Variants in HRAS observed in about 807,000 individuals in gnomAD.
The protein encoded by HRAS is HRas proto-oncogene, GTPase.
A neutral mutation model predicts 19.8 loss-of-function variants in HRAS; 11 were observed. The observed-to-expected ratio is 0.55, with a 90% confidence interval of 0.35 to 0.92. The LOEUF (loss-of-function observed/expected upper bound fraction) is 0.92. Among genes scored for constraint, HRAS ranks in the 40% least tolerant of loss-of-function variants. The pLI is 0.01. For synonymous variants in HRAS, 149 were observed against 105.5 expected, an observed-to-expected ratio of 1.41 and a Z score of -2.52; for missense variants, 204 against 255.9, an observed-to-expected ratio of 0.80 and a Z score of 1.38.
chr11:534,098 G>A, intron 2 of HRAS, 114 bp downstream of exon 2: 6 of 1,168,172 alleles, frequency 5.1e-6, no homozygotes, highest in East Asian at 2.4e-5. Flanking sequence ...GGAAGCAGGA[G>A]ACAGGGCCAC....
In HRAS at chr11:533,882, G is replaced by A. The variant is rs746639086; in HGVS notation, c.174C>T (p.Thr58=). 17 of 1,613,166 alleles carry A rather than the reference G, an allele frequency of 1.1e-5. No homozygotes were observed. The highest frequency in any genetic ancestry group is 1.7e-5 in the Admixed American group (1 of 60,000). The change falls in exon 3 of 6, where the codon ACC becomes ACT. Residue 58 remains threonine, a synonymous_variant. Coordinates refer to ENST00000311189, the MANE Select transcript of HRAS (RefSeq NM_005343.4). ...GETCLLDILD[T]AGQEEYSAMR... is the part of the protein sequence containing the mutation. Reference sequence around the variant, plus strand: ...TGGCGCTGTACTCCTCCTGGCCGGCGGTATCCAGGATGTCCAACAGGCACG... The same window carrying A: ...TGGCGCTGTACTCCTCCTGGCCGGCAGTATCCAGGATGTCCAACAGGCACG...
chr11:532,836 G>A, intron 4 of HRAS, 81 bp from the exon 5 acceptor site: 2 of 1,410,140 alleles, frequency 1.4e-6, no homozygotes, highest in Non-Finnish European at 2.0e-6. Context: ...GTGGGATCAA[G>A]CCTTGCCTGG....
chr11:534,394 C>T lies in HRAS; in HGVS notation c.-53-19G>A. On this transcript the variant is annotated intron_variant, in intron 1 of 5. Coordinates refer to ENST00000311189, the MANE Select transcript of HRAS (RefSeq NM_005343.4). Reference sequence around the variant, plus strand: ...GCCCCACCTGCCAAGGAGGGCCCTGCTCAGCCAGGCCCAGGCCCAGCCCCA... The same window carrying T: ...GCCCCACCTGCCAAGGAGGGCCCTGTTCAGCCAGGCCCAGGCCCAGCCCCA... 3.1e-6 allele frequency: 4 copies of T among 1,289,540 alleles called. No individual in the cohort carries two copies. The highest frequency in any genetic ancestry group is 4.4e-6 in the Non-Finnish European group (4 of 909,196). The allele number at this position is 1,289,540 out of a possible 1,614,324, so 79.9% of individuals were successfully genotyped here.
rs780355683 is a variant in HRAS at position 532,474 on chromosome 11, C to T, written c.*54G>A. On this transcript the variant is annotated 3_prime_UTR_variant, in exon 6 of 6. Transcript: ENST00000311189. Reference sequence around the variant, plus strand: ...TTCCGTCCTTCCTTCCTCCTCCTTCCGTCTGCACCTCCTTCCTGCATCCGG... The same window carrying T: ...TTCCGTCCTTCCTTCCTCCTCCTTCTGTCTGCACCTCCTTCCTGCATCCGG... The T allele has an allele frequency of 3.1e-5, 29 of 949,862 alleles. No homozygotes were observed. Among genetic ancestry groups the T allele is most frequent in the East Asian group, 2.6e-4 (10 of 38,012 alleles). 58.8% of individuals were successfully genotyped at this position (949,862 alleles called of 1,614,324 possible).
Position 533,428 on chromosome 11 carries a change from G to A in HRAS, c.450+25C>T, listed in dbSNP as rs767565921. 5.0e-6 allele frequency: 8 copies of A among 1,611,390 alleles called. No homozygotes were observed. In the East Asian group the frequency reaches 1.8e-4, roughly 36 times the overall value. ...GCGGGGCGGGGCGGGTCCCTGGCTA[G>A]CTGTGGGGTGGAGAGCTGCCTCACC... is the stretch of plus-strand genomic sequence containing the variant. On this transcript the variant is annotated intron_variant, in intron 4 of 5. Coordinates refer to ENST00000311189, the MANE Select transcript of HRAS (RefSeq NM_005343.4).
rs1445835026 is a variant in HRAS, at chr11:532,674, C to A, written c.532G>T (p.Gly178Cys). 1.2e-6 allele frequency: 2 copies of A among 1,613,138 alleles called. No individual in the cohort carries two copies. Among genetic ancestry groups the A allele is most frequent in the Non-Finnish European group, 1.7e-6 (2 of 1,180,000 alleles). The change falls in exon 5 of 6, where the codon GGC becomes TGC. Residue 178 changes from glycine to cysteine, a missense_variant. Around this residue, in one of 4 missense-constraint regions of HRAS, gnomAD observed 142 missense variants for 141.1 expected, o/e 1.01. Coordinates refer to ENST00000311189, the MANE Select transcript of HRAS (RefSeq NM_005343.4). ...LRKLNPPDES[G>C]PGCMSCKCVL... The stretch of plus-strand genomic sequence containing the variant: ...CACTTGCAGCTCATGCAGCCGGGGC[C>A]ACTCTCATCAGGAGGGTTCAGCTTC...
chr11:532,576 CG>C, intron 5 of HRAS, 54 bp from the exon 6 acceptor site: 1 of 1,573,894 alleles, frequency 6.4e-7, no homozygotes. Flanking sequence ...CCGGCAGGGG[CG>C]GGGAGCCGGG....
chr11:534,113 C>G (rs896550504), intron 2 of HRAS, 99 bp downstream of exon 2: 8 of 1,187,280 alleles, frequency 6.7e-6, no homozygotes, highest in Non-Finnish European at 9.9e-6. Flanking sequence ...GGCCACAGCA[C>G]CATGCAGGGG....
chr11:534,900 G>A (rs1851365360), intron 1 of HRAS, among the ~76,000 whole-genome samples: 1 of 152,248 alleles, frequency 6.6e-6, no homozygotes, highest in Non-Finnish European at 1.5e-5. Flanking sequence ...GGGAACCGGG[G>A]GCATCTTTCA....
At chr11:533,002 C>G (rs1381233889) in intron 4 of HRAS, among the ~76,000 whole-genome samples, 1 of 152,216 alleles carries the variant, frequency 6.6e-6, no homozygotes, top group Admixed American at 6.5e-5. Context: ...AACTCCAGGT[C>G]TGGCCAGGGT....
In HRAS at chr11:532,738, G is replaced by A. The variant is rs770648642; in HGVS notation, c.468C>T (p.Phe156=). 1.2e-5 allele frequency: 20 copies of A among 1,612,882 alleles called. No homozygotes were observed. The East Asian group carries it at 3.8e-4, about 31-fold the overall frequency. The change falls in exon 5 of 6, where the codon TTC becomes TTT. Residue 156 remains phenylalanine, a synonymous_variant. Coordinates refer to ENST00000311189, the MANE Select transcript of HRAS (RefSeq NM_005343.4). ...AKTRQGVEDA[F]YTLVREIRQH... is the part of the protein sequence containing the mutation. ...GCCGGATCTCACGCACCAACGTGTA[G>A]AAGGCATCCTCCACTCCCTGGGAAA...
At chr11:532,896 C>CG in intron 4 of HRAS, 141 bp from the exon 5 acceptor site, 1 of 843,026 alleles carries the variant, frequency 1.2e-6, no homozygotes, top group Non-Finnish European at 2.0e-6. Context: ...ACCACACACA[C>CG]GGGAAGCTGG....
Position 535,493 on chromosome 11 carries a change from C to A in HRAS, c.-131G>T. 1 of 147,438 alleles carries A rather than the reference C, an allele frequency of 6.8e-6. No individual in the cohort carries two copies. The highest frequency in any genetic ancestry group is 1.9e-4 in the South Asian group (1 of 5,396). The allele number at this position is 147,438 out of a possible 1,614,324, so 9.1% of individuals were successfully genotyped here. A position where few individuals can be genotyped will look rare whatever the true frequency, so the allele number is the denominator to read the frequency against. ...GGGGCGGGGGCGGGGGCGCGCGGTT[C>A]GCCCCGCGCATGGGCTCCGTCCGCG... On this transcript the variant is annotated 5_prime_UTR_variant, in exon 1 of 6. Transcript: ENST00000311189.
intron 2 of HRAS, 100 bp from the exon 3 acceptor site, chr11:534,044 C>A: frequency 7.3e-7 from 1 of 1,368,066 alleles, no homozygotes; most frequent in Non-Finnish European, 1.0e-6. Context: ...CTCATGCCCC[C>A]TCCTCTCCTG....
In HRAS at chr11:532,338, T is replaced by G; in HGVS notation, c.*190A>C. The G allele has an allele frequency of 2.1e-5, 11 of 518,170 alleles. No homozygotes were observed. Among genetic ancestry groups the G allele is most frequent in the East Asian group, 3.3e-5 (1 of 30,564 alleles). 32.1% of individuals were successfully genotyped at this position (518,170 alleles called of 1,614,324 possible). ...GCTAAGGGCTGGGGTTCCGGTGGCA[T>G]TTGGGATGTTCAAGACAGTCTGTGC... On this transcript the variant is annotated 3_prime_UTR_variant, in exon 6 of 6. Transcript: ENST00000311189.
intron 1 of HRAS, 124 bp downstream of exon 1, chr11:535,292 G>A (rs1428037586): frequency 3.6e-5 from 1 of 27,918 alleles, no homozygotes; most frequent in Non-Finnish European, 9.0e-5. Flanking sequence ...CCACCCACCC[G>A]CCGCCGCCGC....
In HRAS at chr11:533,870, C is replaced by T. The variant is rs2133990958; in HGVS notation, c.186G>A (p.Glu62=). 1.2e-6 allele frequency: 2 copies of T among 1,613,350 alleles called. No homozygotes were observed. Among genetic ancestry groups the T allele is most frequent in the Non-Finnish European group, 1.7e-6 (2 of 1,179,976 alleles). The change falls in exon 3 of 6, where the codon GAG becomes GAA. Residue 62 remains glutamate, a synonymous_variant. Transcript: ENST00000311189. The part of the protein sequence containing the change: ...LLDILDTAGQ[E]EYSAMRDQYM... The stretch of plus-strand genomic sequence containing the variant: ...ACTGGTCCCGCATGGCGCTGTACTC[C>T]TCCTGGCCGGCGGTATCCAGGATGT...
In HRAS at chr11:533,914, C is replaced by CA; in HGVS notation, c.141dup (p.Gly48TrpfsTer44). On this transcript the variant is annotated frameshift_variant, in exon 3 of 6. Transcript: ENST00000311189. LOFTEE classifies it high-confidence loss of function. ...AGGATGTCCAACAGGCACGTCTCCC[C>CA]ATCAATGACCACCTGCTTCCGGTAG... 1 of 1,612,894 alleles carries CA rather than the reference C, an allele frequency of 6.2e-7. No individual in the cohort carries two copies. The highest frequency in any genetic ancestry group is 8.5e-7 in the Non-Finnish European group (1 of 1,179,988).
Position 532,758 on chromosome 11 carries a change from G to T in HRAS, c.451-3C>A. ...GTGTAGAAGGCATCCTCCACTCCCT[G>T]GGAAAGGAGGGATGGGATCAGGAGG... is the stretch of plus-strand genomic sequence containing the variant. On this transcript the variant is annotated splice_polypyrimidine_tract_variant and splice_region_variant and intron_variant, in intron 4 of 5. Coordinates refer to ENST00000311189, the MANE Select transcript of HRAS (RefSeq NM_005343.4). 1 of 1,612,300 alleles carries T rather than the reference G, an allele frequency of 6.2e-7. No homozygotes were observed. Among genetic ancestry groups the T allele is most frequent in the Non-Finnish European group, 8.5e-7 (1 of 1,179,926 alleles).
Sources: allele counts gnomAD v4.1 joint callset (sites outside exome capture counted in the v4.1 genomes callset), GRCh38; gene constraint gnomAD v4.1.1; regional missense constraint gnomAD v4.1.1; transcripts MANE v1.5; gene names NCBI Gene and HGNC (gene_info 2026-07-23, HGNC 2026-07-21).